FAM81A: variants seen among roughly 807,000 people sequenced by gnomAD.
FAM81A encodes family with sequence similarity 81 member A, also known as protein FAM81A.
Under a neutral mutation model 46.7 loss-of-function variants are expected in FAM81A, and 19 were observed. The ratio of observed to expected loss-of-function variants is 0.41; its 90% CI spans 0.28 to 0.60. The LOEUF (loss-of-function observed/expected upper bound fraction) is 0.60, where lower values mean the gene tolerates loss of function less well. FAM81A is among the 20% of genes least tolerant of loss of function. FAM81A has a pLI of 0.34. For synonymous variants in FAM81A, 183 were observed against 152.9 expected, an observed-to-expected ratio of 1.20 and a Z score of -1.45; for missense variants, 377 against 453.5, an observed-to-expected ratio of 0.83 and a Z score of 1.53.
chr15:59,508,349 T>A (rs2082170682), intron 5 of FAM81A, among the ~76,000 whole-genome samples: 1 of 152,204 alleles, frequency 6.6e-6, no homozygotes, highest in South Asian at 2.1e-4. Flanking sequence ...CACACAGGAC[T>A]GGTTTTTGTT....
chr15:59,454,853 T>G (rs2081463020), intron 1 of FAM81A, among the ~76,000 whole-genome samples: 1 of 151,900 alleles, frequency 6.6e-6, no homozygotes, highest in Admixed American at 6.6e-5. Context: ...CCCAGGCTGG[T>G]CTCAAACTCC....
At position 59,409,365 on chromosome 15, in the gene FAM81A, C is replaced by T. The variant is rs1322256989; in HGVS notation, c.-78+7007C>T. 3.3e-5 allele frequency among the ~76,000 whole-genome samples: 5 copies of T among 152,314 alleles called. No homozygotes were observed. In the South Asian group the frequency reaches 6.2e-4, roughly 19 times the overall value. On this transcript the variant is annotated intron_variant, in intron 2 of 4. Transcript: ENST00000558348. ...CCTTTCTTCCCTGCCTGATCACCGT[C>T]CCTGTCCCTCTGAGAAAAATCCCTC...
At chr15:59,478,747 G>A (rs1246821242) in intron 3 of FAM81A, among the ~76,000 whole-genome samples, 1 of 79,818 alleles carries the variant, frequency 1.3e-5, no homozygotes. Context: ...TATTTATTCA[G>A]TTCTGTTGAC....
intron 3 of FAM81A, among the ~76,000 whole-genome samples, chr15:59,490,571 C>G (rs983190727): frequency 5.9e-5 from 9 of 152,324 alleles, no homozygotes; most frequent in Admixed American, 2.6e-4. Flanking sequence ...GCGGCTCACA[C>G]CTGTAATCCC....
At chr15:59,415,231 G>T (rs2081141388) in intron 2 of FAM81A, among the ~76,000 whole-genome samples, 1 of 151,836 alleles carries the variant, frequency 6.6e-6, no homozygotes, top group Non-Finnish European at 1.5e-5. Context: ...CAATTCTCCT[G>T]CCTCAGCCTC....
chr15:59,479,922 T>G (rs532335760), intron 3 of FAM81A, among the ~76,000 whole-genome samples: 4 of 152,312 alleles, frequency 2.6e-5, no homozygotes, highest in African/African-American at 9.6e-5. Context: ...CTTGTGGATA[T>G]AGACTGATTT....
At chr15:59,426,417 C>T (rs2081194627) in intron 2 of FAM81A, among the ~76,000 whole-genome samples, 1 of 152,114 alleles carries the variant, frequency 6.6e-6, no homozygotes, top group African/African-American at 2.4e-5. Context: ...ACCAGCCTGA[C>T]CAACATGAAG....
intron 2 of FAM81A, among the ~76,000 whole-genome samples, chr15:59,433,177 G>A (rs1483886337): frequency 1.5e-5 from 1 of 65,298 alleles, no homozygotes; most frequent in Non-Finnish European, 3.9e-5. Context: ...TCAAAATTGG[G>A]CTGGGTGCAG....
At chr15:59,427,292 G>A (rs776211128) in intron 2 of FAM81A, among the ~76,000 whole-genome samples, 3 of 151,982 alleles carry the variant, frequency 2.0e-5, no homozygotes, top group Non-Finnish European at 2.9e-5. Context: ...TGTATTTTTA[G>A]TAGAGACGGG....
intron 3 of FAM81A, among the ~76,000 whole-genome samples, chr15:59,488,466 GA>G (rs1178553396): frequency 2.0e-5 from 3 of 152,156 alleles, no homozygotes. Context: ...AATTGGAAAG[GA>G]AGAAGACAAA....
At chr15:59,490,919 G>A (rs2141752418) in intron 3 of FAM81A, among the ~76,000 whole-genome samples, 1 of 152,296 alleles carries the variant, frequency 6.6e-6, no homozygotes, top group South Asian at 2.1e-4. Context: ...AATATCAAAT[G>A]CTGGCAAGGA....
At chr15:59,399,118 G>A (rs961149906) in intron 1 of FAM81A, among the ~76,000 whole-genome samples, 1 of 151,698 alleles carries the variant, frequency 6.6e-6, no homozygotes, top group African/African-American at 2.4e-5. Context: ...ATGGTAAGAC[G>A]AGATCACACC....
chr15:59,432,242 C>G (rs2141565812), intron 2 of FAM81A, among the ~76,000 whole-genome samples: 1 of 152,298 alleles, frequency 6.6e-6, no homozygotes, highest in African/African-American at 2.4e-5. Flanking sequence ...GTATTTTAAA[C>G]TAACAATTAT....
upstream of FAM81A, among the ~76,000 whole-genome samples, chr15:59,436,227 AG>A (rs566066548): frequency 6.6e-6 from 1 of 152,184 alleles, no homozygotes; most frequent in Non-Finnish European, 1.5e-5. Context: ...TTTGAGAGTG[AG>A]GGAGTCTTGC....
intron 3 of FAM81A, among the ~76,000 whole-genome samples, chr15:59,471,277 C>G (rs1051969548): frequency 6.6e-6 from 1 of 152,008 alleles, no homozygotes; most frequent in Non-Finnish European, 1.5e-5. Context: ...TCAGTTTTTG[C>G]TTCCTGTATT....
At chr15:59,504,270 GGA>G (rs1416976630) in intron 4 of FAM81A, among the ~76,000 whole-genome samples, 1 of 151,972 alleles carries the variant, frequency 6.6e-6, no homozygotes, top group Non-Finnish European at 1.5e-5. Context: ...CATTGACATG[GGA>G]ATGATTTGTG....
At chr15:59,425,553 T>C (rs1354264521) in intron 2 of FAM81A, among the ~76,000 whole-genome samples, 1 of 152,244 alleles carries the variant, frequency 6.6e-6, no homozygotes, top group Non-Finnish European at 1.5e-5. Context: ...AAATCGTACT[T>C]TAAATGAATA....
intron 3 of FAM81A, among the ~76,000 whole-genome samples, chr15:59,472,130 G>A (rs191537554): frequency 6.6e-6 from 1 of 152,222 alleles, no homozygotes; most frequent in East Asian, 1.9e-4. Flanking sequence ...GGGGGTTGGG[G>A]CCCATAACTC....
chr15:59,428,655 G>C (rs1399914967), intron 2 of FAM81A, among the ~76,000 whole-genome samples: 6 of 94,212 alleles, frequency 6.4e-5, no homozygotes, highest in Non-Finnish European at 9.8e-5. Context: ...TTTTGAGATA[G>C]TGTCTCACTC....
Sources: allele counts gnomAD v4.1 joint callset (sites outside exome capture counted in the v4.1 genomes callset), GRCh38; gene constraint gnomAD v4.1.1; transcripts MANE v1.5; gene names NCBI Gene and HGNC (gene_info 2026-07-23, HGNC 2026-07-21).